PXDNL: variants seen among roughly 807,000 people sequenced by gnomAD.
The protein encoded by PXDNL is peroxidasin like.
PXDNL carries 145 observed loss-of-function variants against 150.8 expected under a neutral mutation model. The ratio of observed to expected loss-of-function variants is 0.96; its 90% CI spans 0.84 to 1.10. PXDNL has a LOEUF of 1.10. PXDNL is among the 50% of genes least tolerant of loss of function. The pLI is 0.00. For missense variants in PXDNL, 2,087 were observed against 1,873.9 expected (o/e 1.11, Z -2.10); for synonymous variants, 757 against 725.7 (o/e 1.04, Z -0.69).
At chr8:51,519,508 G>A (rs577006010) in intron 4 of PXDNL, among the ~76,000 whole-genome samples, 12 of 151,912 alleles carry the variant, frequency 7.9e-5, no homozygotes, top group Non-Finnish European at 1.3e-4. Context: ...ACTCCGGCCT[G>A]GGCAACAGAG....
chr8:51,321,407 T>A lies in PXDNL; in HGVS notation c.4147-510A>T, dbSNP rs549875290. ...GCTATAAGCCTTTAGATAATAACGG[T>A]CTTTAGGAATCCCAAGGGGAGCAGA... On this transcript the variant is annotated intron_variant, in intron 21 of 22. Coordinates refer to ENST00000356297, the MANE Select transcript of PXDNL (RefSeq NM_144651.5). Among the ~76,000 whole-genome samples the A allele has an allele frequency of 1.3e-4, 20 of 152,226 alleles. No individual in the cohort carries two copies. The East Asian group carries it at 2.7e-3, about 21-fold the overall frequency.
chr8:51,473,368 G>A (rs1232771469), intron 7 of PXDNL, among the ~76,000 whole-genome samples: 2 of 150,494 alleles, frequency 1.3e-5, no homozygotes, highest in East Asian at 3.9e-4. Context: ...ATGTTTTGAT[G>A]GATTATAAAA....
In PXDNL at chr8:51,411,305, C is replaced by A; in HGVS notation, c.2007G>T (p.Leu669=). ...GCTTCACACGTTCCCGTATCAGCTG[C>A]AGCGTGTGCTCAAAAATCTCCCCTG... ...ARAGEIFEHT[L]QLIRERVKQG... The change falls in exon 16 of 23, where the codon CTG becomes CTT. Residue 669 remains leucine (L), a synonymous_variant. Transcript: ENST00000356297. 6.3e-7 allele frequency: 1 copy of A among 1,577,138 alleles called. No individual in the cohort carries two copies. Among genetic ancestry groups the A allele is most frequent in the Non-Finnish European group, 8.6e-7 (1 of 1,164,630 alleles).
Position 51,382,256 on chromosome 8 carries a change from G to A in PXDNL, c.3558-7525C>T, listed in dbSNP as rs74953785. Among the ~76,000 whole-genome samples the A allele has an allele frequency of 7.9e-3, 1,202 of 152,232 alleles. 7 individuals are homozygous for A. Among genetic ancestry groups the A allele is most frequent in the Admixed American group, 0.014 (213 of 15,296 alleles). On this transcript the variant is annotated intron_variant, in intron 17 of 22. Transcript: ENST00000356297. ...CAAGCCAGGGAAACCAAGGGTTGCC[G>A]GGAAACCACCAGAAACTAGGAAAAG...
intron 1 of PXDNL, among the ~76,000 whole-genome samples, chr8:51,662,993 G>A (rs916584079): frequency 3.3e-5 from 5 of 152,148 alleles, no homozygotes; most frequent in African/African-American, 1.2e-4. Flanking sequence ...CCCAGCCTTT[G>A]GCTTTACCTA....
At chr8:51,459,688 A>G (rs912835953) in intron 8 of PXDNL, among the ~76,000 whole-genome samples, 3 of 152,240 alleles carry the variant, frequency 2.0e-5, no homozygotes, top group African/African-American at 7.2e-5. Context: ...TCATGTTTCA[A>G]TATATTCCAT....
chr8:51,524,381 G>A (rs1188253210), intron 4 of PXDNL, among the ~76,000 whole-genome samples: 1 of 152,168 alleles, frequency 6.6e-6, no homozygotes, highest in African/African-American at 2.4e-5. Flanking sequence ...AAATTTTTAT[G>A]GCTGGCATGT....
intron 4 of PXDNL, among the ~76,000 whole-genome samples, chr8:51,542,058 T>A (rs1388815832): frequency 6.6e-6 from 1 of 152,148 alleles, no homozygotes; most frequent in African/African-American, 2.4e-5. Flanking sequence ...GGAAAAAAAT[T>A]ACAGTAAATA....
intron 19 of PXDNL, among the ~76,000 whole-genome samples, chr8:51,371,426 ACT>A (rs966021572): frequency 6.6e-6 from 1 of 152,128 alleles, no homozygotes; most frequent in Non-Finnish European, 1.5e-5. Context: ...GTTTTTCCTG[ACT>A]CTATCAAAAT....
chr8:51,554,424 A>C (rs996846310), intron 4 of PXDNL, among the ~76,000 whole-genome samples: 1 of 152,224 alleles, frequency 6.6e-6, no homozygotes, highest in African/African-American at 2.4e-5. Flanking sequence ...CCTTTATCAA[A>C]GGATCAATTG....
At chr8:51,472,846 T>C (rs1329740209) in intron 7 of PXDNL, among the ~76,000 whole-genome samples, 6 of 152,198 alleles carry the variant, frequency 3.9e-5, no homozygotes, top group African/African-American at 1.2e-4. Context: ...AATAAGAAGA[T>C]GGAGTGATTG....
At chr8:51,593,271 C>T (rs955163126) in intron 2 of PXDNL, among the ~76,000 whole-genome samples, 1 of 152,072 alleles carries the variant, frequency 6.6e-6, no homozygotes, top group African/African-American at 2.4e-5. Flanking sequence ...CGAATTTGAA[C>T]CGTAAAACAA....
chr8:51,724,699 C>T (rs926678632), intron 1 of PXDNL, among the ~76,000 whole-genome samples: 52 of 152,098 alleles, frequency 3.4e-4, no homozygotes, highest in African/African-American at 1.2e-3. Flanking sequence ...TGTGGGTCGC[C>T]CCAGCCCTGT....
intron 4 of PXDNL, among the ~76,000 whole-genome samples, chr8:51,518,192 C>A (rs925693195): frequency 1.3e-5 from 2 of 152,176 alleles, no homozygotes; most frequent in Non-Finnish European, 2.9e-5. Flanking sequence ...ATAAGAACTT[C>A]TGTGAGGACT....
chr8:51,711,972 T>G (rs1816510697), intron 1 of PXDNL, among the ~76,000 whole-genome samples: 1 of 152,246 alleles, frequency 6.6e-6, no homozygotes, highest in Non-Finnish European at 1.5e-5. Context: ...GAAGTTTTAC[T>G]CTGGTACTGC....
chr8:51,604,363 A>G (rs984730575), intron 2 of PXDNL, among the ~76,000 whole-genome samples: 1 of 152,124 alleles, frequency 6.6e-6, no homozygotes, highest in Non-Finnish European at 1.5e-5. Flanking sequence ...CATGGATGAA[A>G]CTGGAAACCA....
At chr8:51,687,779 G>T (rs1268647038) in intron 1 of PXDNL, among the ~76,000 whole-genome samples, 2 of 152,218 alleles carry the variant, frequency 1.3e-5, no homozygotes, top group Admixed American at 6.5e-5. Context: ...CTGTCCTAGT[G>T]AAGAAGCCAA....
At chr8:51,544,288 G>C (rs538597409) in intron 4 of PXDNL, among the ~76,000 whole-genome samples, 178 of 152,298 alleles carry the variant, frequency 1.2e-3, no homozygotes, top group Non-Finnish European at 2.0e-3. Context: ...AGCTCCAGCA[G>C]ATGGTGCAGG....
intron 2 of PXDNL, among the ~76,000 whole-genome samples, chr8:51,653,050 A>G (rs1815074363): frequency 6.6e-6 from 1 of 152,228 alleles, no homozygotes; most frequent in Non-Finnish European, 1.5e-5. Flanking sequence ...CAATGGATAA[A>G]ATATTTGATT....
Sources: allele counts gnomAD v4.1 joint callset (sites outside exome capture counted in the v4.1 genomes callset), GRCh38; gene constraint gnomAD v4.1.1; transcripts MANE v1.5; gene names NCBI Gene and HGNC (gene_info 2026-07-23, HGNC 2026-07-21).